The following MMP26 variants were observed in gnomAD, a reference collection of about 807,000 sequenced individuals.
The protein encoded by MMP26 is matrix metallopeptidase 26.
Under a neutral mutation model 31.0 loss-of-function variants are expected in MMP26, and 33 were observed. That is an observed-to-expected ratio of 1.06 (90% CI 0.81 to 1.42). MMP26 has a LOEUF of 1.42. MMP26 is among the 40% of genes most tolerant of loss of function. MMP26 has a pLI of 0.00. For synonymous variants in MMP26, 122 were observed against 114.9 expected, an observed-to-expected ratio of 1.06 and a Z score of -0.40; for missense variants, 347 against 316.1, an observed-to-expected ratio of 1.10 and a Z score of -0.74.
intron 2 of MMP26, among the ~76,000 whole-genome samples, chr11:4,950,511 A>G (rs535434316): frequency 8.3e-6 from 1 of 120,420 alleles, no homozygotes; most frequent in Non-Finnish European, 1.9e-5. Flanking sequence ...CATGATGAAT[A>G]CTAGATGATG....
intron 2 of MMP26, among the ~76,000 whole-genome samples, chr11:4,851,170 C>T (rs1849970526): frequency 6.6e-6 from 1 of 152,172 alleles, no homozygotes; most frequent in Non-Finnish European, 1.5e-5. Flanking sequence ...TGGAAAATAA[C>T]AGCCAGTTGC....
At chr11:4,921,206 AAG>A in intron 2 of MMP26, among the ~76,000 whole-genome samples, 1 of 152,290 alleles carries the variant, frequency 6.6e-6, no homozygotes, top group Non-Finnish European at 1.5e-5. Flanking sequence ...TGTAAAAGGG[AAG>A]CTCTTCTTTT....
At position 4,715,890 on chromosome 11, in the gene MMP26, T is replaced by C. The variant is rs191859802; in HGVS notation, c.-217+10845T>C. On this transcript the variant is annotated intron_variant, in intron 1 of 7. Coordinates refer to ENST00000380390, the MANE Select transcript of MMP26 (RefSeq NM_021801.5). ...ATATGGCAAAAGGATTTAACAGATG[T>C]AACTAAGGTCCCTGATTACTTGACT... 1.8e-4 allele frequency among the ~76,000 whole-genome samples: 28 copies of C among 152,322 alleles called. No homozygotes were observed. The East Asian group carries it at 5.2e-3, about 28-fold the overall frequency.
chr11:4,745,143 C>T (rs1390838521), intron 1 of MMP26, among the ~76,000 whole-genome samples: 1 of 152,138 alleles, frequency 6.6e-6, no homozygotes, highest in Non-Finnish European at 1.5e-5. Context: ...GTTTTCTTAC[C>T]TCCTTTGGGA....
intron 2 of MMP26, among the ~76,000 whole-genome samples, chr11:4,928,721 CTT>C (rs762871968): frequency 3.0e-4 from 46 of 152,056 alleles, no homozygotes; most frequent in Middle Eastern, 3.2e-3. Flanking sequence ...TAGATCTCCT[CTT>C]TGTACTTCAA....
intron 2 of MMP26, chr11:4,923,880 T>C (rs745740728): frequency 6.2e-6 from 10 of 1,613,896 alleles, no homozygotes; most frequent in Non-Finnish European, 7.6e-6. Flanking sequence ...AGGAGAGCAC[T>C]TCTAAGCACT....
At chr11:4,842,362 A>G (rs963301939) in intron 2 of MMP26, among the ~76,000 whole-genome samples, 1 of 152,196 alleles carries the variant, frequency 6.6e-6, no homozygotes, top group Non-Finnish European at 1.5e-5. Flanking sequence ...GAAACTGGGT[A>G]GTTTATAAAT....
At chr11:4,935,551 A>G (rs1391379798) in intron 2 of MMP26, among the ~76,000 whole-genome samples, 3 of 151,804 alleles carry the variant, frequency 2.0e-5, no homozygotes, top group Non-Finnish European at 2.9e-5. Flanking sequence ...CTCTTTTCCT[A>G]ATTGAATACC....
chr11:4,843,765 A>G (rs1047482121), intron 2 of MMP26, among the ~76,000 whole-genome samples: 1 of 152,194 alleles, frequency 6.6e-6, no homozygotes, highest in African/African-American at 2.4e-5. Flanking sequence ...ATCCCCAGAA[A>G]AATAGGTTTT....
intron 1 of MMP26, among the ~76,000 whole-genome samples, chr11:4,733,775 T>G (rs966842352): frequency 2.0e-5 from 3 of 152,184 alleles, no homozygotes; most frequent in Non-Finnish European, 1.5e-5. Context: ...AGGGGAATAT[T>G]CAGACTTTCT....
intron 2 of MMP26, among the ~76,000 whole-genome samples, chr11:4,824,135 A>G (rs1437799959): frequency 1.3e-5 from 2 of 152,126 alleles, no homozygotes; most frequent in Non-Finnish European, 2.9e-5. Context: ...GGGGGAGACC[A>G]AGACTCATAT....
At chr11:4,979,805 C>A (rs530966654) in intron 2 of MMP26, among the ~76,000 whole-genome samples, 1 of 152,174 alleles carries the variant, frequency 6.6e-6, no homozygotes, top group East Asian at 1.9e-4. Flanking sequence ...GCCTTAGGTA[C>A]ATGACAGGCA....
At chr11:4,770,037 C>A in intron 2 of MMP26, 1 of 621,584 alleles carries the variant, frequency 1.6e-6, no homozygotes, top group African/African-American at 1.8e-5. Flanking sequence ...TATCCAAGGT[C>A]ATAGATAAGA....
chr11:4,892,274 A>G (rs1219562598), intron 2 of MMP26, among the ~76,000 whole-genome samples: 1 of 152,150 alleles, frequency 6.6e-6, no homozygotes, highest in Non-Finnish European at 1.5e-5. Flanking sequence ...CCTAAAGTCC[A>G]CATAAAAAAA....
chr11:4,848,265 TG>T (rs1347262488), intron 2 of MMP26: 4 of 1,611,922 alleles, frequency 2.5e-6, no homozygotes, highest in Non-Finnish European at 2.5e-6. Context: ...CTTCCTGGGC[TG>T]CAACCTGTTG....
intron 2 of MMP26, among the ~76,000 whole-genome samples, chr11:4,770,143 A>G (rs1231997531): frequency 2.6e-5 from 4 of 152,204 alleles, no homozygotes; most frequent in African/African-American, 9.6e-5. Context: ...GTACCATAAA[A>G]TTCAAGGGAA....
intron 2 of MMP26, among the ~76,000 whole-genome samples, chr11:4,851,559 T>C (rs924252472): frequency 2.0e-5 from 3 of 152,152 alleles, no homozygotes; most frequent in African/African-American, 7.2e-5. Flanking sequence ...CTAAATTTCC[T>C]TAACAGGCTT....
chr11:4,775,096 G>A (rs1291167871), intron 2 of MMP26, among the ~76,000 whole-genome samples: 1 of 152,116 alleles, frequency 6.6e-6, no homozygotes, highest in East Asian at 1.9e-4. Flanking sequence ...GCTTAGGATT[G>A]TCTTGGCTAT....
intron 2 of MMP26, among the ~76,000 whole-genome samples, chr11:4,852,671 A>T (rs1187087418): frequency 6.6e-6 from 1 of 152,166 alleles, no homozygotes; most frequent in African/African-American, 2.4e-5. Flanking sequence ...TTCTTCAAAA[A>T]ATTGAAAATA....
Sources: gnomAD v4.1 joint callset for allele counts (sites outside exome capture counted in the v4.1 genomes callset) on GRCh38, gnomAD v4.1.1 for gene constraint, MANE v1.5 for transcripts, NCBI Gene and HGNC (gene_info 2026-07-23, HGNC 2026-07-21) for gene names.